The following MUC5AC variants were observed in gnomAD, a reference collection of about 807,000 sequenced individuals.
MUC5AC encodes mucin-5AC.
In MUC5AC, 158 loss-of-function variants were observed where a neutral mutation model predicts 169.7. The ratio of observed to expected loss-of-function variants is 0.93; its 90% CI spans 0.82 to 1.06. The LOEUF (loss-of-function observed/expected upper bound fraction) is 1.06. Among genes scored for constraint, MUC5AC ranks in the 50% least tolerant of loss-of-function variants. The pLI is 0.00. For missense variants in MUC5AC, 4,359 were observed against 3,089.9 expected, an observed-to-expected ratio of 1.41 and a Z score of -9.74; for synonymous variants, 1,975 against 1,237.0, an observed-to-expected ratio of 1.60 and a Z score of -12.52.
At position 1,199,176 on chromosome 11, in the gene MUC5AC, C is replaced by T; in HGVS notation, c.16386C>T (p.His5462=). The T allele has an allele frequency of 1.3e-6, 1 of 762,808 alleles. No homozygotes were observed. The highest frequency in any genetic ancestry group is 2.4e-6 in the Non-Finnish European group (1 of 417,128). The allele number at this position is 762,808 out of a possible 1,614,324, so 47.3% of individuals were successfully genotyped here. ...CVTNTSKSPA[H]LFYPGETWSD... Reference sequence around the variant, plus strand: ...CCAACACCAGCAAGAGCCCCGCCCACCTCTTCTACGTGAGTAGTGGCTGCC... The same window carrying T: ...CCAACACCAGCAAGAGCCCCGCCCATCTCTTCTACGTGAGTAGTGGCTGCC... The change falls in exon 45 of 49, where the codon CAC becomes CAT. Residue 5462 remains histidine (H), a synonymous_variant. Transcript: ENST00000621226.
At position 1,160,855 on chromosome 11, in the gene MUC5AC, G is replaced by A. The variant is rs374018455; in HGVS notation, c.151+166G>A. ...CACCCCCACATCCATGGCCCTGGTCGGTCACACTACCTGCCTCTCCTTGGG... is the reference window on the plus strand; with the variant it reads ...CACCCCCACATCCATGGCCCTGGTCAGTCACACTACCTGCCTCTCCTTGGG... On this transcript the variant is annotated intron_variant, in intron 2 of 48. Transcript: ENST00000621226. Among the ~76,000 whole-genome samples, 22 of 152,328 alleles carry A rather than the reference G, an allele frequency of 1.4e-4. No individual in the cohort carries two copies. The South Asian group carries it at 2.1e-3, about 14-fold the overall frequency.
Position 1,192,056 on chromosome 11 carries a change from C to G in MUC5AC, c.13911C>G (p.Phe4637Leu), listed in dbSNP as rs75618268. Residue 4637 changes from phenylalanine to leucine, a missense_variant, in exon 31 of 49, where the codon TTC (phenylalanine) becomes TTG (leucine). By Grantham distance (22) the Phe-to-Leu change is conservative. Transcript: ENST00000621226. ...CHPLCAWTKW[F>L]DVDFPSPGPH... is the part of the protein sequence containing the mutation. ...CTCTGTGCGCCTGGACAAAGTGGTT[C>G]GACGTGGACTTCCCATCCCCTGGAC... The G allele has an allele frequency of 1.0e-5, 8 of 765,104 alleles. No individual in the cohort carries two copies. The highest frequency in any genetic ancestry group is 4.8e-5 in the East Asian group (2 of 41,256). 47.4% of individuals were successfully genotyped at this position (765,104 alleles called of 1,614,324 possible).
At chr11:1,196,292 C>T (rs1026743027) in intron 37 of MUC5AC, 96 bp from the exon 38 acceptor site, 19 of 716,564 alleles carry the variant, frequency 2.7e-5, no homozygotes, top group African/African-American at 5.2e-5. Flanking sequence ...CAGGTGGCTG[C>T]GGGCAGCTCC....
Position 1,163,960 on chromosome 11 carries a change from C to T in MUC5AC, c.758C>T (p.Pro253Leu). Residue 253 changes from proline to leucine, a missense_variant, in exon 7 of 49, where the codon CCT becomes CTT. Physicochemically the swap from Pro to Leu is moderately conservative, Grantham distance 98. Transcript: ENST00000621226. Reference protein sequence around the residue: ...DPTDQCQDPVPEPPRNCSTGF... With the variant: ...DPTDQCQDPVLEPPRNCSTGF... ...ACGGACCAGTGTCAGGACCCTGTCC[C>T]TGAACCCCCGAGGAACTGCTCCACT... 6.2e-7 allele frequency: 1 copy of T among 1,611,272 alleles called. No individual in the cohort carries two copies. Among genetic ancestry groups the T allele is most frequent in the Non-Finnish European group, 8.5e-7 (1 of 1,179,324 alleles).
intron 16 of MUC5AC, among the ~76,000 whole-genome samples, chr11:1,173,485 C>T (rs1860601425): frequency 6.7e-6 from 1 of 149,398 alleles, no homozygotes; most frequent in Non-Finnish European, 1.5e-5. Context: ...ACTCACTCAT[C>T]CACTCACTCG....
intron 24 of MUC5AC, 88 bp from the exon 25 acceptor site, chr11:1,178,356 T>C: frequency 2.5e-6 from 1 of 407,266 alleles, no homozygotes; most frequent in Non-Finnish European, 4.3e-6. Context: ...AGGGTGGCCC[T>C]GGGTGGGAGG....
chr11:1,199,146 T>C lies in MUC5AC; in HGVS notation c.16356T>C (p.Cys5452=), dbSNP rs368835086. The change falls in exon 45 of 49, where the codon TGT becomes TGC. Residue 5452 remains cysteine (C), a synonymous_variant. Coordinates refer to ENST00000621226, the MANE Select transcript of MUC5AC (RefSeq NM_001304359.2). ...GTGGCACCTGTGTGCAGGTCGCCTG[T>C]GTCACCAACACCAGCAAGAGCCCCG... ...QCCGTCVQVA[C]VTNTSKSPAH... The C allele has an allele frequency of 1.3e-5, 10 of 764,626 alleles. No individual in the cohort carries two copies. Among genetic ancestry groups the C allele is most frequent in the Non-Finnish European group, 2.4e-5 (10 of 417,730 alleles). The allele number at this position is 764,626 out of a possible 1,614,324, so 47.4% of individuals were successfully genotyped here. A position where few individuals can be genotyped will look rare whatever the true frequency, so the allele number is the denominator to read the frequency against.
Position 1,186,817 on chromosome 11 carries a change from G to A in MUC5AC, c.8672G>A (p.Ser2891Asn). Residue 2891 changes from serine (S) to asparagine (N), a missense_variant, in exon 31 of 49, where the codon AGT (serine) becomes AAT (asparagine). Ser to Asn is a conservative substitution (Grantham distance 46). Coordinates refer to ENST00000621226, the MANE Select transcript of MUC5AC (RefSeq NM_001304359.2). ...ACTCCCAGCCCTGTTCCCACCACCA[G>A]TACAACCTCTGCTCCTACAACCAGA... ...GTTPSPVPTT[S>N]TTSAPTTRTT... 1.4e-6 allele frequency: 1 copy of A among 740,078 alleles called. No homozygotes were observed. The allele number at this position is 740,078 out of a possible 1,614,324, so 45.8% of individuals were successfully genotyped here.
rs1302830224 is a variant in MUC5AC, at chr11:1,190,181, C to T, written c.12036C>T (p.Ile4012=). 56 of 764,382 alleles carry T rather than the reference C, an allele frequency of 7.3e-5. No individual in the cohort carries two copies. The highest frequency in any genetic ancestry group is 2.2e-4 in the Middle Eastern group (1 of 4,458). 47.3% of individuals were successfully genotyped at this position (764,382 alleles called of 1,614,324 possible). A position where few individuals can be genotyped will look rare whatever the true frequency, so the allele number is the denominator to read the frequency against. ...CRAESHPEVS[I]EHLGQVVQCS... Reference sequence around the variant, plus strand: ...CCGAGAGCCACCCGGAGGTGAGCATCGAACACCTGGGCCAGGTGGTGCAGT... The same window carrying T: ...CCGAGAGCCACCCGGAGGTGAGCATTGAACACCTGGGCCAGGTGGTGCAGT... The change falls in exon 31 of 49, where the codon ATC becomes ATT. Residue 4012 remains isoleucine, a synonymous_variant. Coordinates refer to ENST00000621226, the MANE Select transcript of MUC5AC (RefSeq NM_001304359.2).
chr11:1,193,845 G>A (rs1219866428), intron 33 of MUC5AC, among the ~76,000 whole-genome samples, 186 bp downstream of exon 33: 1 of 152,252 alleles, frequency 6.6e-6, no homozygotes, highest in Admixed American at 6.5e-5. Context: ...GGGGTGCTGA[G>A]TGAATCCCTG....
chr11:1,162,252 G>A lies in MUC5AC; in HGVS notation c.473+84G>A. The A allele has an allele frequency of 9.1e-6, 14 of 1,532,266 alleles. No homozygotes were observed. The South Asian group carries it at 1.6e-4, about 18-fold the overall frequency. 94.9% of individuals were successfully genotyped at this position (1,532,266 alleles called of 1,614,324 possible). On this transcript the variant is annotated intron_variant, in intron 4 of 48. Transcript: ENST00000621226. ...TGGTTGCGGGGTTTCGCGGTCCTGG[G>A]AGGGATGTGGATTTCTCAGGAAGCC...
Position 1,197,990 on chromosome 11 carries a change from C to A in MUC5AC, c.16121C>A (p.Pro5374Gln). Residue 5374 changes from proline to glutamine, a missense_variant, in exon 42 of 49, where the codon CCA (proline) becomes CAA (glutamine). Physicochemically the swap from Pro to Gln is moderately conservative, Grantham distance 76. Transcript: ENST00000621226. ...ACCTACCAGGAGGGGGCCTGCTGCC[C>A]AGTCCAAAACTGCAGTGAGTGGCCT... ...IPTYQEGACC[P>Q]VQNCSWTVCS... The A allele has an allele frequency of 1.4e-6, 1 of 713,950 alleles. No individual in the cohort carries two copies. Among genetic ancestry groups the A allele is most frequent in the African/African-American group, 1.7e-5 (1 of 57,862 alleles). The allele number at this position is 713,950 out of a possible 1,614,324, so 44.2% of individuals were successfully genotyped here.
Position 1,181,367 on chromosome 11 carries a change from G to A in MUC5AC, c.3917G>A (p.Gly1306Glu). 1 of 398,656 alleles carries A rather than the reference G, an allele frequency of 2.5e-6. No individual in the cohort carries two copies. Among genetic ancestry groups the A allele is most frequent in the Non-Finnish European group, 4.4e-6 (1 of 226,144 alleles). 24.7% of individuals were successfully genotyped at this position (398,656 alleles called of 1,614,324 possible). A position where few individuals can be genotyped will look rare whatever the true frequency, so the allele number is the denominator to read the frequency against. Residue 1306 changes from glycine to glutamate, a missense_variant, in exon 30 of 49, where the codon GGG becomes GAG. Gly to Glu is a moderately conservative substitution (Grantham distance 98, BLOSUM62 -2). Transcript: ENST00000621226. ...GGTGGCTGCATCTCCGCCCGCTGCG[G>A]GGCCAACGGCACCATTGAGAGGAGG... ...GTGGCISARC[G>E]ANGTIERRVY...
rs1020863461 is a variant in MUC5AC at position 1,193,352 on chromosome 11, G to T, written c.14581-133G>T. ...GTCTGGGGTGGGTGCTGAGGGTGGGGCAGGAAGGAAACTGGGGCACAGCCA... is the reference window on the plus strand; with the variant it reads ...GTCTGGGGTGGGTGCTGAGGGTGGGTCAGGAAGGAAACTGGGGCACAGCCA... On this transcript the variant is annotated intron_variant, in intron 32 of 48. Coordinates refer to ENST00000621226, the MANE Select transcript of MUC5AC (RefSeq NM_001304359.2). 3 of 616,334 alleles carry T rather than the reference G, an allele frequency of 4.9e-6. No individual in the cohort carries two copies. In the Admixed American group the frequency reaches 7.6e-5, roughly 16 times the overall value. 38.2% of individuals were successfully genotyped at this position (616,334 alleles called of 1,614,324 possible).
rs911791075 is a variant in MUC5AC at position 1,182,415 on chromosome 11, C to T, written c.4270C>T (p.Pro1424Ser). The T allele has an allele frequency of 1.5e-5, 6 of 398,500 alleles. No homozygotes were observed. In the East Asian group the frequency reaches 1.8e-4, roughly 12 times the overall value. The allele number at this position is 398,500 out of a possible 1,614,324, so 24.7% of individuals were successfully genotyped here. A position where few individuals can be genotyped will look rare whatever the true frequency, so the allele number is the denominator to read the frequency against. Residue 1424 changes from proline to serine, a missense_variant, in exon 31 of 49, where the codon CCC becomes TCC. Pro to Ser is a moderately conservative substitution (Grantham distance 74, BLOSUM62 -1). Coordinates refer to ENST00000621226, the MANE Select transcript of MUC5AC (RefSeq NM_001304359.2). ...CCATGGGTACCGGGTGTGCGAATCACCCAGGTCGGTGGAGTGCCGAGCTGA... is the reference window on the plus strand; with the variant it reads ...CCATGGGTACCGGGTGTGCGAATCATCCAGGTCGGTGGAGTGCCGAGCTGA... ...RAHGYRVCES[P>S]RSVECRAEDA...
chr11:1,189,170 C>G lies in MUC5AC; in HGVS notation c.11025C>G (p.Ala3675=). The G allele has an allele frequency of 1.7e-6, 1 of 596,228 alleles. No homozygotes were observed. Among genetic ancestry groups the G allele is most frequent in the Non-Finnish European group, 3.0e-6 (1 of 334,562 alleles). 36.9% of individuals were successfully genotyped at this position (596,228 alleles called of 1,614,324 possible). The change falls in exon 31 of 49, where the codon GCC becomes GCG. Residue 3675 remains alanine (A), a synonymous_variant. Coordinates refer to ENST00000621226, the MANE Select transcript of MUC5AC (RefSeq NM_001304359.2). ...CTACACAGACCAGCACAACCTCTGC[C>G]CCTACAACTAGCACAACCCCTGCTT... ...TSTTQTSTTS[A]PTTSTTPASI...
At position 1,200,966 on chromosome 11, in the gene MUC5AC, T is replaced by G; in HGVS notation, c.*264T>G. 2.7e-6 allele frequency: 1 copy of G among 363,936 alleles called. No individual in the cohort carries two copies. The highest frequency in any genetic ancestry group is 4.2e-5 in the East Asian group (1 of 23,604). 22.5% of individuals were successfully genotyped at this position (363,936 alleles called of 1,614,324 possible). On this transcript the variant is annotated 3_prime_UTR_variant, in exon 49 of 49. Transcript: ENST00000621226. ...CTCTGGCCATGCATCCAGCCTGCTG[T>G]TCTGGGGACGTGAGCATCACCTGAG... is the stretch of plus-strand genomic sequence containing the variant.
At position 1,189,334 on chromosome 11, in the gene MUC5AC, C is replaced by T. The variant is rs1317789875; in HGVS notation, c.11189C>T (p.Ser3730Leu). ...TCTGCCCCTACAAGCAGCACAACCT[C>T]GGCTCCTACCACCAGCACAATCTCT... ...TSSAPTSSTT[S>L]APTTSTISAP... The change falls in exon 31 of 49, where the codon TCG becomes TTG. Residue 3730 changes from serine to leucine, a missense_variant. Physicochemically the swap from Ser to Leu is moderately radical, Grantham distance 145 (BLOSUM62 -2). Coordinates refer to ENST00000621226, the MANE Select transcript of MUC5AC (RefSeq NM_001304359.2). The T allele has an allele frequency of 2.3e-5, 13 of 576,430 alleles. No individual in the cohort carries two copies. The highest frequency in any genetic ancestry group is 5.6e-5 in the African/African-American group (3 of 53,608). 35.7% of individuals were successfully genotyped at this position (576,430 alleles called of 1,614,324 possible). A position where few individuals can be genotyped will look rare whatever the true frequency, so the allele number is the denominator to read the frequency against.
At position 1,189,295 on chromosome 11, in the gene MUC5AC, AG is replaced by A. The variant is rs1861024912; in HGVS notation, c.11151del (p.Thr3718ProfsTer71). On this transcript the variant is annotated frameshift_variant, in exon 31 of 49. Transcript: ENST00000621226. LOFTEE classifies it high-confidence loss of function. ...APTTSTTSTP[Q>X]TTTSSAPTSS... Reference sequence around the variant, plus strand: ...ACAACCAGCACAACCTCCACTCCACAGACCACCACATCCTCTGCCCCTACAA... The same window carrying A: ...ACAACCAGCACAACCTCCACTCCACAACCACCACATCCTCTGCCCCTACAA... The A allele has an allele frequency of 8.8e-6, 5 of 568,484 alleles. No individual in the cohort carries two copies. The South Asian group carries it at 1.2e-4, about 14-fold the overall frequency. 35.2% of individuals were successfully genotyped at this position (568,484 alleles called of 1,614,324 possible).
Sources: gnomAD v4.1 joint callset for allele counts (sites outside exome capture counted in the v4.1 genomes callset) on GRCh38, gnomAD v4.1.1 for gene constraint, MANE v1.5 for transcripts, NCBI Gene and HGNC (gene_info 2026-07-23, HGNC 2026-07-21) for gene names.